PPP3CA: variants seen among roughly 807,000 people sequenced by gnomAD.
PPP3CA encodes the protein CAM-PRP catalytic subunit.
PPP3CA carries 14 observed loss-of-function variants against 66.5 expected under a neutral mutation model. The observed-to-expected ratio is 0.21, with a 90% CI of 0.14 to 0.33. PPP3CA has a LOEUF of 0.33. PPP3CA is among the 10% of genes least tolerant of loss of function. The pLI, the probability that PPP3CA is intolerant of heterozygous loss-of-function variation, is 1.00. For synonymous variants in PPP3CA, 232 were observed against 226.2 expected, an observed-to-expected ratio of 1.03 and a Z score of -0.23; for missense variants, 317 against 639.5, an observed-to-expected ratio of 0.50 and a Z score of 5.44.
chr4:101,124,725 GAGAAAGAAAGAA>G (rs756619477), intron 2 of PPP3CA, among the ~76,000 whole-genome samples: 741 of 58,524 alleles, frequency 0.013, 23 homozygotes, highest in South Asian at 0.017. Context: ...AAGAAAGAAA[GAGAAAGAAAGAA>G]AGAAAGAAAG....
intron 10 of PPP3CA, among the ~76,000 whole-genome samples, chr4:101,046,387 C>A (rs1727767845): frequency 6.6e-6 from 1 of 152,078 alleles, no homozygotes; most frequent in African/African-American, 2.4e-5. Flanking sequence ...CACTAGCAGA[C>A]CTTTCCCAAT....
At chr4:101,150,145 G>A (rs1723092446) in intron 2 of PPP3CA, among the ~76,000 whole-genome samples, 1 of 151,974 alleles carries the variant, frequency 6.6e-6, no homozygotes. Context: ...GAAATAGAAG[G>A]AATAAAATAA....
rs985882734 is a variant in PPP3CA, at chr4:101,025,729, C to T, written c.*136G>A. The T allele has an allele frequency of 4.7e-6, 3 of 637,326 alleles. No homozygotes were observed. The highest frequency in any genetic ancestry group is 2.7e-5 in the South Asian group (1 of 36,534). 39.5% of individuals were successfully genotyped at this position (637,326 alleles called of 1,614,324 possible). On this transcript the variant is annotated 3_prime_UTR_variant, in exon 14 of 14. Transcript: ENST00000394854. ...TTTTAATGATAGTGTAAACTGAATC[C>T]AATTCCTGGCCCCCAGAGCAAATAA... is the stretch of plus-strand genomic sequence containing the variant.
intron 10 of PPP3CA, among the ~76,000 whole-genome samples, chr4:101,054,186 A>AT (rs3840146): frequency 5.3e-5 from 8 of 151,642 alleles, no homozygotes; most frequent in African/African-American, 1.9e-4. Context: ...CTATAACATC[A>AT]TTTTTTTAGA....
At chr4:101,318,192 T>C (rs528858186) in intron 1 of PPP3CA, among the ~76,000 whole-genome samples, 102 of 152,136 alleles carry the variant, frequency 6.7e-4, no homozygotes, top group African/African-American at 2.3e-3. Flanking sequence ...CAGAATGATA[T>C]AAAAAAAGTT....
At chr4:101,167,418 G>A (rs191404727) in intron 2 of PPP3CA, among the ~76,000 whole-genome samples, 2 of 152,220 alleles carry the variant, frequency 1.3e-5, no homozygotes, top group African/African-American at 2.4e-5. Flanking sequence ...CATTTAAATC[G>A]TTACCGAATA....
chr4:101,222,331 G>T lies in PPP3CA; in HGVS notation c.59-26215C>A, dbSNP rs182952004. On this transcript the variant is annotated intron_variant, in intron 1 of 13. Transcript: ENST00000394854. ...AGTGGACGCAATTCATTTCCCCACA[G>T]AATCAGATATCTCAGTTTGTAAAAC... is the stretch of plus-strand genomic sequence containing the variant. Among the ~76,000 whole-genome samples the T allele has an allele frequency of 1.6e-3, 239 of 151,574 alleles. 4 individuals are homozygous for T. Among genetic ancestry groups the T allele is most frequent in the Non-Finnish European group, 2.8e-4 (19 of 67,598 alleles).
chr4:101,221,014 A>G (rs1260917316), intron 1 of PPP3CA, among the ~76,000 whole-genome samples: 1 of 151,750 alleles, frequency 6.6e-6, no homozygotes, highest in East Asian at 1.9e-4. Flanking sequence ...TATTATCAAA[A>G]ATTATGTCAA....
At chr4:101,163,349 G>T (rs1031667678) in intron 2 of PPP3CA, among the ~76,000 whole-genome samples, 2 of 152,082 alleles carry the variant, frequency 1.3e-5, no homozygotes, top group African/African-American at 4.8e-5. Flanking sequence ...TTTTGTTGTT[G>T]TTCGCCCTGA....
intron 1 of PPP3CA, among the ~76,000 whole-genome samples, chr4:101,219,221 G>GC (rs1725547950): frequency 6.6e-6 from 1 of 151,960 alleles, no homozygotes; most frequent in East Asian, 1.9e-4. Flanking sequence ...AGTATACTAT[G>GC]TATAATCCAG....
At chr4:101,080,141 G>C (rs150339132) in intron 8 of PPP3CA, among the ~76,000 whole-genome samples, 3 of 152,206 alleles carry the variant, frequency 2.0e-5, no homozygotes, top group Non-Finnish European at 4.4e-5. Flanking sequence ...TCAAGCTACT[G>C]GGTTTATTTT....
chr4:101,028,743 T>C (rs566472977), intron 13 of PPP3CA, among the ~76,000 whole-genome samples: 1 of 152,312 alleles, frequency 6.6e-6, no homozygotes, highest in East Asian at 1.9e-4. Flanking sequence ...TTTTTTTCCT[T>C]TGGCTACAAA....
intron 1 of PPP3CA, among the ~76,000 whole-genome samples, chr4:101,265,303 C>G (rs1210871049): frequency 6.6e-6 from 1 of 152,012 alleles, no homozygotes; most frequent in Non-Finnish European, 1.5e-5. Context: ...GAGACAGGGT[C>G]TTGCTCTGTT....
rs1359589082 is a variant in PPP3CA, at chr4:101,139,685, G to GT, written c.260-30608dup. ...CTTCTACCCAAAGTGACTTTTGAGGGTTTTTTTTGTGTTTTTTTTTTTTTT... is the reference window on the plus strand; with the variant it reads ...CTTCTACCCAAAGTGACTTTTGAGGGTTTTTTTTTGTGTTTTTTTTTTTTTT... On this transcript the variant is annotated intron_variant, in intron 2 of 13. Transcript: ENST00000394854. Among the ~76,000 whole-genome samples the GT allele has an allele frequency of 8.7e-5, 11 of 125,918 alleles. No homozygotes were observed. The East Asian group carries it at 1.5e-3, about 17-fold the overall frequency. The allele number at this position is 125,918 out of a possible 152,430, so 82.6% of individuals were successfully genotyped here.
chr4:101,303,828 C>A (rs1349519706), intron 1 of PPP3CA, among the ~76,000 whole-genome samples: 2 of 152,154 alleles, frequency 1.3e-5, no homozygotes, highest in Non-Finnish European at 2.9e-5. Context: ...CTCTTAAGTG[C>A]ACCAATTTGA....
At chr4:101,312,993 AC>A (rs1438465916) in intron 1 of PPP3CA, among the ~76,000 whole-genome samples, 1 of 152,184 alleles carries the variant, frequency 6.6e-6, no homozygotes, top group Non-Finnish European at 1.5e-5. Context: ...TAATAAATGT[AC>A]AAAATCTTAT....
At chr4:101,110,173 C>A (rs765727338) in intron 2 of PPP3CA, among the ~76,000 whole-genome samples, 9 of 152,020 alleles carry the variant, frequency 5.9e-5, no homozygotes, top group Non-Finnish European at 1.2e-4. Flanking sequence ...GCTGCTTCTG[C>A]AACACTAAGA....
At chr4:101,230,504 G>A (rs973309389) in intron 1 of PPP3CA, among the ~76,000 whole-genome samples, 1 of 151,594 alleles carries the variant, frequency 6.6e-6, no homozygotes, top group African/African-American at 2.4e-5. Flanking sequence ...GGGTGACAGA[G>A]AGAGAGACCC....
At chr4:101,258,228 C>T (rs1206205722) in intron 1 of PPP3CA, among the ~76,000 whole-genome samples, 6 of 152,110 alleles carry the variant, frequency 3.9e-5, no homozygotes, top group South Asian at 2.1e-4. Context: ...GAAAACATCA[C>T]GAAGAAAGTG....
Sources: gnomAD v4.1 joint callset for allele counts (sites outside exome capture counted in the v4.1 genomes callset) on GRCh38, gnomAD v4.1.1 for gene constraint, MANE v1.5 for transcripts, NCBI Gene and HGNC (gene_info 2026-07-23, HGNC 2026-07-21) for gene names.